The following SV2B variants were observed in gnomAD, a reference collection of about 807,000 sequenced individuals.
The protein encoded by SV2B is synaptic vesicle glycoprotein 2B, also known as solute carrier family 22 member B2.
In SV2B, 41 loss-of-function variants were observed where a neutral mutation model predicts 73.9. The ratio of observed to expected loss-of-function variants is 0.56; its 90% CI spans 0.43 to 0.72. SV2B has a LOEUF of 0.72. Ranked by LOEUF, SV2B falls within the 30% of genes least tolerant of loss-of-function variation. The pLI, the probability that SV2B is intolerant of heterozygous loss-of-function variation, is 0.00. For synonymous variants in SV2B, 314 were observed against 314.2 expected, an observed-to-expected ratio of 1.00 and a Z score of 0.01; for missense variants, 764 against 857.8, an observed-to-expected ratio of 0.89 and a Z score of 1.37.
At chr15:91,195,216 G>C (rs1303021300) in intron 1 of SV2B, among the ~76,000 whole-genome samples, 1 of 152,106 alleles carries the variant, frequency 6.6e-6, no homozygotes, top group African/African-American at 2.4e-5. Context: ...GGGGTGCAGT[G>C]GTGGAATCTT....
At chr15:91,247,379 G>C (rs771888825) in intron 2 of SV2B, among the ~76,000 whole-genome samples, 60 of 152,224 alleles carry the variant, frequency 3.9e-4, no homozygotes, top group Non-Finnish European at 7.8e-4. Context: ...GGATAGTCAG[G>C]AGACAAATCA....
rs2046180817 is a variant in SV2B, at chr15:91,220,589, A to G, written c.-391-5284A>G. Among the ~76,000 whole-genome samples the G allele has an allele frequency of 6.6e-6, 1 of 152,246 alleles. No individual in the cohort carries two copies. Among genetic ancestry groups the G allele is most frequent in the African/African-American group, 2.4e-5 (1 of 41,468 alleles). On this transcript the variant is annotated intron_variant, in intron 1 of 12. Coordinates refer to ENST00000394232, the MANE Select transcript of SV2B (RefSeq NM_001323032.3). The surrounding 1 kb of genome is among the most constrained non-coding windows in gnomAD (Gnocchi z 4.1). ...AGTAATAAGCAAGAGTTTGCTGCAC[A>G]ATGATTTTGAGTCATATAGCATAGA...
At position 91,289,629 on chromosome 15, in the gene SV2B, C is replaced by T. The variant is rs777128577; in HGVS notation, c.1817C>T (p.Ala606Val). The change falls in exon 12 of 13, where the codon GCC becomes GTC. Residue 606 changes from alanine to valine, a missense_variant. Ala to Val is a moderately conservative substitution (Grantham distance 64). Transcript: ENST00000394232. This position sits in a 1 kb window ranked among gnomAD's most constrained non-coding sequence, Gnocchi z 4.9. ...CTGTTCTGTGGGACAAGCATTGCAG[C>T]CTGGAATGCTCTGGATGTGATCACA... ...QCLFCGTSIA[A>V]WNALDVITVE... The T allele has an allele frequency of 1.8e-5, 29 of 1,614,002 alleles. No individual in the cohort carries two copies. The highest frequency in any genetic ancestry group is 2.3e-5 in the Non-Finnish European group (27 of 1,180,032).
At chr15:91,208,052 C>T (rs56696933) in intron 1 of SV2B, among the ~76,000 whole-genome samples, 5,249 of 152,214 alleles carry the variant, frequency 0.034, 247 homozygotes, top group East Asian at 0.12. Flanking sequence ...GAGAGGCCTT[C>T]CTACTTCTGC....
At chr15:91,187,672 T>TTA (rs1555480022) in intron 1 of SV2B, among the ~76,000 whole-genome samples, 50 of 147,934 alleles carry the variant, frequency 3.4e-4, no homozygotes, top group African/African-American at 1.2e-3. Flanking sequence ...TTTTTTTTTT[T>TTA]AAATTGTGGC....
intron 1 of SV2B, among the ~76,000 whole-genome samples, chr15:91,219,017 C>T (rs1431385895): frequency 3.9e-5 from 6 of 152,246 alleles, no homozygotes; most frequent in African/African-American, 1.2e-4. Flanking sequence ...CAGCTCACTG[C>T]AACCTCCGCC....
chr15:91,170,661 T>G (rs1264688944), intron 1 of SV2B, among the ~76,000 whole-genome samples: 1 of 152,252 alleles, frequency 6.6e-6, no homozygotes, highest in Non-Finnish European at 1.5e-5. Context: ...AATATCTGAC[T>G]GTCCCTGCCC....
At chr15:91,203,514 A>G (rs1207233004) in intron 1 of SV2B, among the ~76,000 whole-genome samples, 2 of 152,276 alleles carry the variant, frequency 1.3e-5, no homozygotes, top group African/African-American at 4.8e-5. Flanking sequence ...AGCCTTTGTG[A>G]TGAAATGCCT....
In SV2B at chr15:91,236,951, T is replaced by C. The variant is rs1459877109; in HGVS notation, c.451+10237T>C. Among the ~76,000 whole-genome samples, 1 of 152,100 alleles carries C rather than the reference T, an allele frequency of 6.6e-6. No homozygotes were observed. The highest frequency in any genetic ancestry group is 1.5e-5 in the Non-Finnish European group (1 of 68,018). ...GCTCCAGGGTAGCTGGATTTTTTTTTTTAACCTGTTGGCTTGGAAAGAGAT... is the reference window on the plus strand; with the variant it reads ...GCTCCAGGGTAGCTGGATTTTTTTTCTTAACCTGTTGGCTTGGAAAGAGAT... On this transcript the variant is annotated intron_variant, in intron 2 of 12. Coordinates refer to ENST00000394232, the MANE Select transcript of SV2B (RefSeq NM_001323032.3). This position sits in a 1 kb window ranked among gnomAD's most constrained non-coding sequence, Gnocchi z 4.1.
intron 1 of SV2B, among the ~76,000 whole-genome samples, chr15:91,102,810 G>A (rs1351009384): frequency 1.3e-5 from 2 of 152,182 alleles, no homozygotes; most frequent in African/African-American, 4.8e-5. Context: ...CATTTGACCA[G>A]ACATCTGGGG....
chr15:91,185,839 ATGT>A (rs1206620054), intron 1 of SV2B, among the ~76,000 whole-genome samples: 3 of 152,218 alleles, frequency 2.0e-5, no homozygotes, highest in Non-Finnish European at 4.4e-5. Context: ...GCTCAAGGTC[ATGT>A]TGTTGTGGAC....
At chr15:91,282,237 A>G (rs185304574) in intron 10 of SV2B, among the ~76,000 whole-genome samples, 17 of 152,346 alleles carry the variant, frequency 1.1e-4, no homozygotes, top group Admixed American at 1.1e-3. Flanking sequence ...ATTCTTGAAG[A>G]CCTTGCACAA....
intron 1 of SV2B, among the ~76,000 whole-genome samples, chr15:91,161,247 T>G (rs1263880106): frequency 6.6e-6 from 1 of 151,622 alleles, no homozygotes; most frequent in Non-Finnish European, 1.5e-5. Flanking sequence ...CTGTATAAAT[T>G]TACTGAAATG....
rs1048145414 is a variant in SV2B at position 91,137,248 on chromosome 15, C to T, written c.-392+36885C>T. ...AGTGGAACACTTCTCCAGTCTCCAA[C>T]TACTAATCACCCCAGTTAATGAGTT... On this transcript the variant is annotated intron_variant, in intron 1 of 12. Coordinates refer to ENST00000394232, the MANE Select transcript of SV2B (RefSeq NM_001323032.3). This position sits in a 1 kb window ranked among gnomAD's most constrained non-coding sequence, Gnocchi z 4.9. Among the ~76,000 whole-genome samples, 3 of 152,116 alleles carry T rather than the reference C, an allele frequency of 2.0e-5. No homozygotes were observed. The highest frequency in any genetic ancestry group is 2.9e-5 in the Non-Finnish European group (2 of 68,014).
chr15:91,122,061 A>G lies in SV2B; in HGVS notation c.-392+21698A>G, dbSNP rs892904460. On this transcript the variant is annotated intron_variant, in intron 1 of 12. Coordinates refer to ENST00000394232, the MANE Select transcript of SV2B (RefSeq NM_001323032.3). This position sits in a 1 kb window ranked among gnomAD's most constrained non-coding sequence, Gnocchi z 4.3. Reference sequence around the variant, plus strand: ...AGTGCTGGGATTACAGGCGTGAGCCACTGCGCCCGGCCCAATGGTGTTTTA... The same window carrying G: ...AGTGCTGGGATTACAGGCGTGAGCCGCTGCGCCCGGCCCAATGGTGTTTTA... Among the ~76,000 whole-genome samples, 12 of 152,214 alleles carry G rather than the reference A, an allele frequency of 7.9e-5. No individual in the cohort carries two copies. Among genetic ancestry groups the G allele is most frequent in the Non-Finnish European group, 1.8e-4 (12 of 68,028 alleles).
At position 91,289,236 on chromosome 15, in the gene SV2B, CCCCGT is replaced by C. The variant is rs1450147355; in HGVS notation, c.1709-278_1709-274del. ...GATTCTCAACAAATGCCCCTATCTG[CCCCGT>C]CCCGTCACTCTGAGCTGGGCACCAC... On this transcript the variant is annotated intron_variant, in intron 11 of 12. Coordinates refer to ENST00000394232, the MANE Select transcript of SV2B (RefSeq NM_001323032.3). The surrounding 1 kb of genome is among the most constrained non-coding windows in gnomAD (Gnocchi z 4.9). Among the ~76,000 whole-genome samples, 1 of 152,186 alleles carries C rather than the reference CCCCGT, an allele frequency of 6.6e-6. No homozygotes were observed. The highest frequency in any genetic ancestry group is 2.4e-5 in the African/African-American group (1 of 41,452).
chr15:91,166,900 G>A (rs997903334), intron 1 of SV2B, among the ~76,000 whole-genome samples: 4 of 150,728 alleles, frequency 2.7e-5, no homozygotes, highest in Admixed American at 6.6e-5. Context: ...TGCAAGCTCC[G>A]CCTTCTGGGT....
intron 1 of SV2B, among the ~76,000 whole-genome samples, chr15:91,117,062 C>A (rs1460865644): frequency 1.3e-5 from 2 of 152,150 alleles, no homozygotes; most frequent in African/African-American, 2.4e-5. Context: ...GGGACACAGG[C>A]AAACGATATC....
At position 91,268,329 on chromosome 15, in the gene SV2B, C is replaced by A. The variant is rs2048175387; in HGVS notation, c.1209-112C>A. The A allele has an allele frequency of 1.8e-6, 2 of 1,097,702 alleles. No individual in the cohort carries two copies. Among genetic ancestry groups the A allele is most frequent in the Non-Finnish European group, 2.5e-6 (2 of 795,272 alleles). 68.0% of individuals were successfully genotyped at this position (1,097,702 alleles called of 1,614,324 possible). A position where few individuals can be genotyped will look rare whatever the true frequency, so the allele number is the denominator to read the frequency against. On this transcript the variant is annotated intron_variant, in intron 8 of 12. Coordinates refer to ENST00000394232, the MANE Select transcript of SV2B (RefSeq NM_001323032.3). This position sits in a 1 kb window ranked among gnomAD's most constrained non-coding sequence, Gnocchi z 4.4. ...ATTGTCAGATTTTCTAATAATGAAC[C>A]AAATTAATGTATTTTCAATGAGTTT...
Sources: gnomAD v4.1 joint callset for allele counts (sites outside exome capture counted in the v4.1 genomes callset) on GRCh38, gnomAD v4.1.1 for gene constraint, Gnocchi (gnomAD v3.1) non-coding constraint, MANE v1.5 for transcripts, NCBI Gene and HGNC (gene_info 2026-07-23, HGNC 2026-07-21) for gene names.